Variants in TBX19 observed in about 807,000 individuals in gnomAD.
TBX19 encodes T-box transcription factor 19.
Under a neutral mutation model 40.9 loss-of-function variants are expected in TBX19, and 33 were observed. The observed-to-expected ratio is 0.81, with a 90% CI of 0.61 to 1.08. The LOEUF (loss-of-function observed/expected upper bound fraction) is 1.08, where lower values mean the gene tolerates loss of function less well. Among genes scored for constraint, TBX19 ranks in the 50% least tolerant of loss-of-function variants. TBX19 has a pLI of 0.00. For synonymous variants in TBX19, 220 were observed against 225.0 expected, an observed-to-expected ratio of 0.98 and a Z score of 0.20; for missense variants, 494 against 574.0, an observed-to-expected ratio of 0.86 and a Z score of 1.42.
chr1:168,284,637 A>T (rs1648756937), intron 1 of TBX19, among the ~76,000 whole-genome samples: 1 of 151,942 alleles, frequency 6.6e-6, no homozygotes, highest in Non-Finnish European at 1.5e-5. Context: ...TTAGCTGGGC[A>T]TGGTGACACC....
intron 6 of TBX19, chr1:168,308,261 T>C (rs1286966830): frequency 5.4e-6 from 1 of 185,992 alleles, no homozygotes; most frequent in Non-Finnish European, 1.1e-5. Flanking sequence ...GGATTACAGG[T>C]GTGGGCACCA....
At chr1:168,301,270 C>G (rs1558193465) in intron 5 of TBX19, among the ~76,000 whole-genome samples, 1 of 149,334 alleles carries the variant, frequency 6.7e-6, no homozygotes, top group African/African-American at 2.5e-5. Flanking sequence ...GAAAAGCACT[C>G]TTTTTTTTTT....
In TBX19 at chr1:168,308,742, T is replaced by G. The variant is rs1649461427; in HGVS notation, c.917T>G (p.Val306Gly). 1 of 1,614,004 alleles carries G rather than the reference T, an allele frequency of 6.2e-7. No individual in the cohort carries two copies. Among genetic ancestry groups the G allele is most frequent in the African/African-American group, 1.3e-5 (1 of 74,892 alleles). ...AYMHRNHSPS[V>G]NLIESSSNNL... ...ATTCAACTGTTGTTATTTCCCCAAG[T>G]GAATTTGATAGAAAGCTCAAGCAAT... Residue 306 changes from valine to glycine, a missense_variant and splice_region_variant, in exon 7 of 8, where the codon GTG (valine) becomes GGG (glycine). By Grantham distance (109) the Val-to-Gly change is moderately radical. Around this residue, in one of 3 missense-constraint regions of TBX19, gnomAD observed 284 missense variants for 307.3 expected, o/e 0.92. Coordinates refer to ENST00000367821, the MANE Select transcript of TBX19 (RefSeq NM_005149.3).
intron 1 of TBX19, among the ~76,000 whole-genome samples, chr1:168,287,857 A>G (rs1187837013): frequency 1.3e-5 from 2 of 151,894 alleles, no homozygotes; most frequent in Non-Finnish European, 2.9e-5. Context: ...TGGCTCAACC[A>G]TGTTAGCTTT....
Position 168,291,253 on chromosome 1 carries a change from C to T in TBX19, c.297C>T (p.His99=), listed in dbSNP as rs537204735. Residue 99 remains histidine, a synonymous_variant, in exon 2 of 8, where the codon CAC becomes CAT. Transcript: ENST00000367821. ...TGGACTTTGTCCCTACGGACAGTCACCGCTGGAAGTACGTCAACGGGGAAT... is the reference window on the plus strand; with the variant it reads ...TGGACTTTGTCCCTACGGACAGTCATCGCTGGAAGTACGTCAACGGGGAAT... ...LLLDFVPTDS[H]RWKYVNGEWV... is the part of the protein sequence containing the mutation. The T allele has an allele frequency of 1.9e-5, 30 of 1,614,268 alleles. No homozygotes were observed. In the African/African-American group the frequency reaches 2.5e-4, roughly 14 times the overall value.
At chr1:168,300,764 G>T (rs992351041) in intron 5 of TBX19, among the ~76,000 whole-genome samples, 1 of 152,318 alleles carries the variant, frequency 6.6e-6, no homozygotes. Flanking sequence ...AAGGCTCTGA[G>T]CCCTCAACAG....
At chr1:168,303,216 G>A (rs1202649763) in intron 5 of TBX19, among the ~76,000 whole-genome samples, 1 of 152,014 alleles carries the variant, frequency 6.6e-6, no homozygotes, top group Non-Finnish European at 1.5e-5. Context: ...GACAGGTCCT[G>A]GTGTGTGATG....
rs758747391 is a variant in TBX19, at chr1:168,305,188, C to T, written c.908C>T (p.Ser303Phe). The T allele has an allele frequency of 3.7e-6, 6 of 1,611,352 alleles. No individual in the cohort carries two copies. The highest frequency in any genetic ancestry group is 3.3e-5 in the Admixed American group (2 of 60,008). Residue 303 changes from serine (S) to phenylalanine (F), a missense_variant, in exon 6 of 8, where the codon TCT (serine) becomes TTT (phenylalanine). Transcript: ENST00000367821. ...YPSAYMHRNH[S>F]PSVNLIESSS... ...TCTGCGTACATGCACAGAAACCATT[C>T]TCCCTCAGGTCTGTGACTCTGCTGA... is the stretch of plus-strand genomic sequence containing the variant.
chr1:168,310,884 ATAT>A (rs1402625633), intron 7 of TBX19, among the ~76,000 whole-genome samples: 9 of 147,956 alleles, frequency 6.1e-5, no homozygotes, highest in Non-Finnish European at 1.2e-4. Flanking sequence ...TATTATGTAA[ATAT>A]TATGATGTAA....
intron 1 of TBX19, among the ~76,000 whole-genome samples, chr1:168,283,618 A>G (rs979347514): frequency 2.0e-5 from 3 of 151,918 alleles, no homozygotes; most frequent in African/African-American, 7.3e-5. Flanking sequence ...CCTCCTTTCT[A>G]CCCATTCTCC....
At chr1:168,281,969 A>T (rs1278446556) in intron 1 of TBX19, among the ~76,000 whole-genome samples, 2 of 152,200 alleles carry the variant, frequency 1.3e-5, no homozygotes, top group East Asian at 3.8e-4. Context: ...CTCTGGTGGC[A>T]TTTCTCAGAT....
Position 168,293,139 on chromosome 1 carries a change from G to T in TBX19, c.469-5G>T. 6.2e-7 allele frequency: 1 copy of T among 1,613,584 alleles called. No individual in the cohort carries two copies. Among genetic ancestry groups the T allele is most frequent in the Non-Finnish European group, 8.5e-7 (1 of 1,179,844 alleles). ...TCTCCTCTTTCTCTTCTCCTGCCTC[G>T]ACAGATAATGTTGAATTCTCTGCAT... On this transcript the variant is annotated splice_region_variant and splice_polypyrimidine_tract_variant and intron_variant, in intron 2 of 7. Coordinates refer to ENST00000367821, the MANE Select transcript of TBX19 (RefSeq NM_005149.3).
intron 1 of TBX19, among the ~76,000 whole-genome samples, chr1:168,283,481 C>T (rs776549501): frequency 6.6e-6 from 1 of 152,156 alleles, no homozygotes. Flanking sequence ...TACCCCCAAC[C>T]TCTTAGTTTC....
At chr1:168,291,455 C>G (rs376501368) in intron 2 of TBX19, 31 bp downstream of exon 2, 2 of 1,613,946 alleles carry the variant, frequency 1.2e-6, no homozygotes, top group Admixed American at 1.7e-5. Context: ...CCTGGCCACC[C>G]GCTCCGGCCT....
intron 2 of TBX19, among the ~76,000 whole-genome samples, chr1:168,292,084 A>C (rs565050092): frequency 6.6e-6 from 1 of 152,146 alleles, no homozygotes; most frequent in South Asian, 2.1e-4. Flanking sequence ...GGGATTGGAG[A>C]CACAGATGGG....
At chr1:168,284,378 A>G (rs1380251973) in intron 1 of TBX19, among the ~76,000 whole-genome samples, 1 of 152,186 alleles carries the variant, frequency 6.6e-6, no homozygotes, top group Non-Finnish European at 1.5e-5. Context: ...TTCAGAGGTT[A>G]ATAAATTAAA....
chr1:168,307,958 T>C (rs905445477), intron 6 of TBX19: 3 of 152,162 alleles, frequency 2.0e-5, no homozygotes, highest in African/African-American at 7.2e-5. Flanking sequence ...GTTAGATCTC[T>C]AGACTTATTC....
chr1:168,307,723 G>T (rs1649435841), intron 6 of TBX19, among the ~76,000 whole-genome samples: 1 of 151,822 alleles, frequency 6.6e-6, no homozygotes. Flanking sequence ...AGAAATGGAA[G>T]ACATTCTTCC....
At chr1:168,294,937 C>T (rs1649063726) in intron 3 of TBX19, among the ~76,000 whole-genome samples, 1 of 151,806 alleles carries the variant, frequency 6.6e-6, no homozygotes, top group Non-Finnish European at 1.5e-5. Flanking sequence ...TTTGTAGCCC[C>T]AACACCATGA....
Sources: gnomAD v4.1 joint callset for allele counts (sites outside exome capture counted in the v4.1 genomes callset) on GRCh38, gnomAD v4.1.1 for gene constraint, gnomAD v4.1.1 regional missense constraint, MANE v1.5 for transcripts, NCBI Gene and HGNC (gene_info 2026-07-23, HGNC 2026-07-21) for gene names.